Variants in UGT3A1 observed in about 807,000 individuals in gnomAD.
The protein encoded by UGT3A1 is UDP-glycosyltransferase 3A1.
A neutral mutation model predicts 37.6 loss-of-function variants in UGT3A1; 40 were observed. The observed-to-expected ratio is 1.06, with a 90% CI of 0.83 to 1.38. The LOEUF is 1.38. Ranked by LOEUF, UGT3A1 falls within the 40% of genes most tolerant of loss-of-function variation. UGT3A1 has a pLI of 0.00. For missense variants in UGT3A1, 642 were observed against 634.2 expected, an observed-to-expected ratio of 1.01 and a Z score of -0.13; for synonymous variants, 256 against 232.3, an observed-to-expected ratio of 1.10 and a Z score of -0.93.
chr5:35,962,674 C>T (rs367879170), intron 4 of UGT3A1: 18 of 561,388 alleles, frequency 3.2e-5, no homozygotes, highest in East Asian at 6.0e-5. Flanking sequence ...TTCGTCCTCA[C>T]GCCTACAGAA....
At chr5:35,988,601 A>G (rs1274774047) in intron 1 of UGT3A1, 50 bp from the exon 2 acceptor site, 2 of 1,421,156 alleles carry the variant, frequency 1.4e-6, no homozygotes, top group East Asian at 4.6e-5. Flanking sequence ...AGAGTTTCTG[A>G]TGACAATATG....
chr5:35,975,161 T>A (rs973014232), intron 2 of UGT3A1, among the ~76,000 whole-genome samples: 8 of 152,218 alleles, frequency 5.3e-5, no homozygotes, highest in Non-Finnish European at 1.0e-4. Context: ...AACCCTGTCA[T>A]TTGCCTAATG....
intron 1 of UGT3A1, among the ~76,000 whole-genome samples, chr5:35,989,263 T>C (rs1223646675): frequency 6.6e-6 from 1 of 152,232 alleles, no homozygotes; most frequent in African/African-American, 2.4e-5. Flanking sequence ...TCACTGATTC[T>C]AGGAAAATCC....
At chr5:35,992,428 G>A (rs1011796721), upstream of UGT3A1, among the ~76,000 whole-genome samples, 1 of 151,898 alleles carries the variant, frequency 6.6e-6, no homozygotes, top group African/African-American at 2.4e-5. Flanking sequence ...TGTGGAGGGG[G>A]GAAGGTTTAC....
chr5:35,991,204 G>C lies in UGT3A1; in HGVS notation c.37C>G (p.Leu13Val), dbSNP rs1740937361. ...GQRVLLLVAF[L>V]LSGVLLSEAA... Reference sequence around the variant, plus strand: ...TCTGAGAGCAGGACCCCAGAAAGAAGGAAGGCCACTAGAAGCAGCACCCGC... The same window carrying C: ...TCTGAGAGCAGGACCCCAGAAAGAACGAAGGCCACTAGAAGCAGCACCCGC... Residue 13 changes from leucine (L) to valine (V), a missense_variant, in exon 1 of 7, where the codon CTT becomes GTT. By Grantham distance (32) the Leu-to-Val change is conservative. Transcript: ENST00000274278. 2 of 1,614,256 alleles carry C rather than the reference G, an allele frequency of 1.2e-6. No individual in the cohort carries two copies. The highest frequency in any genetic ancestry group is 1.7e-6 in the Non-Finnish European group (2 of 1,180,044).
chr5:35,954,126 G>C lies in UGT3A1; in HGVS notation c.*76C>G, dbSNP rs17313606. ...GGTGGAGCTGAAGAGAGAACAGAGG[G>C]GTGGCGTGTGCTGGGGTGGGGAGAA... On this transcript the variant is annotated 3_prime_UTR_variant, in exon 7 of 7. Coordinates refer to ENST00000274278, the MANE Select transcript of UGT3A1 (RefSeq NM_152404.4). The C allele has an allele frequency of 0.077, 114,198 of 1,477,710 alleles. 5,139 individuals carry two copies. Among genetic ancestry groups the C allele is most frequent in the Non-Finnish European group, 0.089 (96,096 of 1,078,826 alleles). 91.5% of individuals were successfully genotyped at this position (1,477,710 alleles called of 1,614,324 possible).
intron 1 of UGT3A1, among the ~76,000 whole-genome samples, chr5:35,990,071 G>A (rs1199182380): frequency 1.3e-5 from 2 of 148,458 alleles, no homozygotes; most frequent in Non-Finnish European, 3.0e-5. Context: ...CAGCCTGGGC[G>A]ACAGAGCAAG....
intron 4 of UGT3A1, among the ~76,000 whole-genome samples, chr5:35,963,776 G>A (rs1739684205): frequency 6.6e-6 from 1 of 152,174 alleles, no homozygotes; most frequent in Non-Finnish European, 1.5e-5. Context: ...GTTGGGCATG[G>A]CTTGTACATG....
chr5:35,990,598 G>C (rs1740905008), intron 1 of UGT3A1, among the ~76,000 whole-genome samples: 1 of 152,078 alleles, frequency 6.6e-6, no homozygotes, highest in Non-Finnish European at 1.5e-5. Flanking sequence ...CAGTTCTCCA[G>C]GTTTCCCCTG....
chr5:35,977,608 A>T (rs780898792), intron 2 of UGT3A1, among the ~76,000 whole-genome samples: 1 of 152,204 alleles, frequency 6.6e-6, no homozygotes, highest in Non-Finnish European at 1.5e-5. Flanking sequence ...CTGCTATGAC[A>T]GTAAACTTCC....
upstream of UGT3A1, among the ~76,000 whole-genome samples, chr5:35,994,220 G>T (rs1197936005): frequency 6.6e-6 from 1 of 152,034 alleles, no homozygotes; most frequent in Non-Finnish European, 1.5e-5. Context: ...CAACCAGCTG[G>T]TGTTAATTTC....
chr5:35,960,644 CTT>C (rs1179271213), intron 4 of UGT3A1: 1 of 152,236 alleles, frequency 6.6e-6, no homozygotes, highest in Non-Finnish European at 1.5e-5. Flanking sequence ...ACAGTGCACT[CTT>C]TTAGCTTTGC....
chr5:35,987,784 C>A (rs1279381734), intron 2 of UGT3A1, among the ~76,000 whole-genome samples: 1 of 152,164 alleles, frequency 6.6e-6, no homozygotes, highest in East Asian at 1.9e-4. Context: ...ATTCGCCCAA[C>A]TCTGTTATTA....
intron 2 of UGT3A1, among the ~76,000 whole-genome samples, chr5:35,973,200 T>A (rs1740121437): frequency 6.6e-6 from 1 of 152,180 alleles, no homozygotes; most frequent in African/African-American, 2.4e-5. Context: ...TCTTTCTGAG[T>A]TATTTTGCTG....
intron 2 of UGT3A1, among the ~76,000 whole-genome samples, chr5:35,980,694 C>T (rs759829886): frequency 3.9e-5 from 6 of 152,138 alleles, no homozygotes; most frequent in South Asian, 2.1e-4. Context: ...AAAAAGTATG[C>T]CATTTTGATC....
chr5:35,979,569 T>TA (rs150577097), intron 2 of UGT3A1, among the ~76,000 whole-genome samples: 22 of 151,892 alleles, frequency 1.4e-4, no homozygotes, highest in South Asian at 6.2e-4. Context: ...TTGTTTTTGT[T>TA]AAAAAAAATT....
At chr5:35,959,323 A>G (rs191114903) in intron 4 of UGT3A1, among the ~76,000 whole-genome samples, 3 of 152,230 alleles carry the variant, frequency 2.0e-5, no homozygotes, top group Non-Finnish European at 2.9e-5. Flanking sequence ...CATAATTTTG[A>G]AAAACAAAAT....
In UGT3A1 at chr5:35,965,606, A is replaced by G; in HGVS notation, c.623T>C (p.Phe208Ser). ...GTCCCATTGGCTCCTGGAGAAACTA[A>G]AGAACATCAGAAAATTCTTCACTCG... is the stretch of plus-strand genomic sequence containing the variant. The part of the protein sequence containing the change: ...WGRVKNFLMF[F>S]SFSRSQWDMQ... Residue 208 changes from phenylalanine to serine, a missense_variant, in exon 4 of 7, where the codon TTT (phenylalanine) becomes TCT (serine). Physicochemically the swap from Phe to Ser is radical, Grantham distance 155 (BLOSUM62 -2). Transcript: ENST00000274278. The G allele has an allele frequency of 1.9e-6, 3 of 1,613,808 alleles. No homozygotes were observed. Among genetic ancestry groups the G allele is most frequent in the Non-Finnish European group, 2.5e-6 (3 of 1,179,674 alleles).
intron 2 of UGT3A1, among the ~76,000 whole-genome samples, chr5:35,981,741 G>A (rs1379961903): frequency 6.6e-6 from 1 of 152,244 alleles, no homozygotes; most frequent in East Asian, 1.9e-4. Flanking sequence ...AATTCAAGCA[G>A]CTACCTGCAG....
Sources: gnomAD v4.1 joint callset for allele counts (sites outside exome capture counted in the v4.1 genomes callset) on GRCh38, gnomAD v4.1.1 for gene constraint, MANE v1.5 for transcripts, NCBI Gene and HGNC (gene_info 2026-07-23, HGNC 2026-07-21) for gene names.